The following AFG1L variants were observed in gnomAD, a reference collection of about 807,000 sequenced individuals.
The protein encoded by AFG1L is AFG1 like ATPase.
A neutral mutation model predicts 62.2 loss-of-function variants in AFG1L; 53 were observed. That is an observed-to-expected ratio of 0.85 (90% CI 0.68 to 1.07). AFG1L has a LOEUF of 1.07. Among genes scored for constraint, AFG1L ranks in the 50% least tolerant of loss-of-function variants. AFG1L has a pLI of 0.00. For missense variants in AFG1L, 555 were observed against 590.5 expected (o/e 0.94, Z 0.62); for synonymous variants, 228 against 210.3 (o/e 1.08, Z -0.73).
At position 108,343,257 on chromosome 6, in the gene AFG1L, C is replaced by T. The variant is rs144312704; in HGVS notation, c.364-3731C>T. ...TAGAGACGGGGTTTCACCATGTTGG[C>T]CACTGGTCTTGAACTCCTGACCTCA... On this transcript the variant is annotated intron_variant, in intron 2 of 12. Transcript: ENST00000368977. Among the ~76,000 whole-genome samples, 264 of 152,116 alleles carry T rather than the reference C, an allele frequency of 1.7e-3. 1 individual carries two copies. The highest frequency in any genetic ancestry group is 6.8e-3 in the Middle Eastern group (2 of 294).
rs1001388519 is a variant in AFG1L at position 108,479,471 on chromosome 6, A to C, written c.1062+2179A>C. ...AAGCACTGAATGACCTGCAAAAGGC[A>C]TTGACGTGATAAGTGGGGTTAGGTC... On this transcript the variant is annotated intron_variant, in intron 10 of 12. Transcript: ENST00000368977. 3.3e-5 allele frequency among the ~76,000 whole-genome samples: 5 copies of C among 152,198 alleles called. 1 individual carries two copies. Among genetic ancestry groups the C allele is most frequent in the Non-Finnish European group, 7.3e-5 (5 of 68,028 alleles).
chr6:108,465,340 T>C lies in AFG1L; in HGVS notation c.891-11525T>C, dbSNP rs79987023. Reference sequence around the variant, plus strand: ...TACCAGATGTCTCTACTTCCTCAAATTTTACTGGTTAGGCTGGAATATCTT... The same window carrying C: ...TACCAGATGTCTCTACTTCCTCAAACTTTACTGGTTAGGCTGGAATATCTT... On this transcript the variant is annotated intron_variant, in intron 8 of 12. Coordinates refer to ENST00000368977, the MANE Select transcript of AFG1L (RefSeq NM_145315.5). Among the ~76,000 whole-genome samples the C allele has an allele frequency of 1.2e-3, 180 of 152,346 alleles. 3 individuals carry two copies. In the East Asian group the frequency reaches 0.031, roughly 26 times the overall value.
intron 5 of AFG1L, among the ~76,000 whole-genome samples, chr6:108,357,616 G>A (rs1562105647): frequency 6.6e-6 from 1 of 152,168 alleles, no homozygotes; most frequent in South Asian, 2.1e-4. Flanking sequence ...TTTAAAAAGT[G>A]TTATATAAAG....
At chr6:108,414,848 T>C (rs1308051265) in intron 7 of AFG1L, among the ~76,000 whole-genome samples, 1 of 152,200 alleles carries the variant, frequency 6.6e-6, no homozygotes, top group Non-Finnish European at 1.5e-5. Flanking sequence ...GCATTCCCTT[T>C]GAAAACTGGC....
At chr6:108,368,947 C>T (rs564458772) in intron 6 of AFG1L, among the ~76,000 whole-genome samples, 1 of 152,160 alleles carries the variant, frequency 6.6e-6, no homozygotes, top group African/African-American at 2.4e-5. Flanking sequence ...GTTCAAGATG[C>T]GGAATTGCAA....
At chr6:108,338,440 A>G (rs949829) in intron 2 of AFG1L, among the ~76,000 whole-genome samples, 141,604 of 152,284 alleles carry the variant, frequency 0.93, 65,901 homozygotes, top group Non-Finnish European at 0.97. Flanking sequence ...TCACAATGCC[A>G]TTAGTATATC....
intron 12 of AFG1L, chr6:108,520,964 C>T (rs1775103412): frequency 6.6e-6 from 1 of 152,188 alleles, no homozygotes; most frequent in Non-Finnish European, 1.5e-5. Flanking sequence ...AGGGCTCCAC[C>T]CACAAGACCT....
intron 11 of AFG1L, among the ~76,000 whole-genome samples, chr6:108,511,102 A>AAAGAAG (rs1027400723): frequency 8.7e-4 from 131 of 150,908 alleles, no homozygotes; most frequent in Middle Eastern, 3.4e-3. Context: ...AAAAAAAAAA[A>AAAGAAG]AAGAAGAAGA....
chr6:108,471,500 GC>G (rs2114801868), intron 8 of AFG1L, among the ~76,000 whole-genome samples: 1 of 114,076 alleles, frequency 8.8e-6, no homozygotes, highest in East Asian at 2.5e-4. Flanking sequence ...TGACACTGTT[GC>G]CCAGGCTGGA....
intron 10 of AFG1L, among the ~76,000 whole-genome samples, chr6:108,492,573 G>A (rs1773818286): frequency 1.3e-5 from 2 of 152,274 alleles, no homozygotes; most frequent in Admixed American, 6.5e-5. Flanking sequence ...TATGTCTGAG[G>A]CATTCATGAT....
chr6:108,352,307 T>A (rs1373954460), intron 3 of AFG1L, among the ~76,000 whole-genome samples: 1 of 152,218 alleles, frequency 6.6e-6, no homozygotes, highest in Non-Finnish European at 1.5e-5. Context: ...TCCATATTAT[T>A]GTGTATTGCA....
intron 6 of AFG1L, among the ~76,000 whole-genome samples, chr6:108,375,750 G>T (rs1780216386): frequency 2.0e-5 from 3 of 151,912 alleles, no homozygotes; most frequent in Admixed American, 2.0e-4. Context: ...GAGGATTTTG[G>T]TATCTGTGCC....
chr6:108,466,187 C>G (rs1772658455), intron 8 of AFG1L, among the ~76,000 whole-genome samples: 1 of 152,148 alleles, frequency 6.6e-6, no homozygotes, highest in African/African-American at 2.4e-5. Flanking sequence ...AAATGGAACT[C>G]TTTTTTGTAT....
intron 7 of AFG1L, among the ~76,000 whole-genome samples, chr6:108,428,308 C>G (rs1770913984): frequency 6.6e-6 from 1 of 152,176 alleles, no homozygotes; most frequent in South Asian, 2.1e-4. Context: ...GAGTAGCATT[C>G]CATGGTGTAT....
At chr6:108,504,558 G>A (rs148575917) in intron 10 of AFG1L, among the ~76,000 whole-genome samples, 98 of 152,224 alleles carry the variant, frequency 6.4e-4, no homozygotes, top group African/African-American at 2.3e-3. Context: ...TAATAGTAAT[G>A]AAAAAGTGTG....
chr6:108,319,791 G>T, intron 1 of AFG1L: 1 of 436,066 alleles, frequency 2.3e-6, no homozygotes, highest in Non-Finnish European at 4.6e-6. Context: ...TAAAAAATTA[G>T]GTATTATTTA....
chr6:108,417,858 G>C (rs1316122396), intron 7 of AFG1L, among the ~76,000 whole-genome samples: 3 of 151,728 alleles, frequency 2.0e-5, no homozygotes, highest in Non-Finnish European at 4.4e-5. Flanking sequence ...TTTTGAGATG[G>C]AGTCTCACTC....
intron 7 of AFG1L, among the ~76,000 whole-genome samples, chr6:108,441,699 T>C (rs1771551959): frequency 8.6e-6 from 1 of 116,546 alleles, no homozygotes; most frequent in South Asian, 3.2e-4. Context: ...CTGAGGTTTA[T>C]TTAAAAAAAA....
At chr6:108,458,664 T>G (rs886532641) in intron 8 of AFG1L, among the ~76,000 whole-genome samples, 1 of 152,150 alleles carries the variant, frequency 6.6e-6, no homozygotes, top group Non-Finnish European at 1.5e-5. Flanking sequence ...TTCCTCTACC[T>G]TATTGAGTAT....
Sources: gnomAD v4.1 joint callset for allele counts (sites outside exome capture counted in the v4.1 genomes callset) on GRCh38, gnomAD v4.1.1 for gene constraint, MANE v1.5 for transcripts, NCBI Gene and HGNC (gene_info 2026-07-23, HGNC 2026-07-21) for gene names.